HNF4G: variants seen among roughly 807,000 people sequenced by gnomAD.
The protein encoded by HNF4G is hepatocyte nuclear factor 4 gamma.
Under a neutral mutation model 50.9 loss-of-function variants are expected in HNF4G, and 21 were observed. That is an observed-to-expected ratio of 0.41 (90% confidence interval 0.29 to 0.59). HNF4G has a LOEUF of 0.59. Ranked by LOEUF, HNF4G falls within the 20% of genes least tolerant of loss-of-function variation. The pLI is 0.26. For missense variants in HNF4G, 527 were observed against 559.4 expected (o/e 0.94, Z 0.58); for synonymous variants, 198 against 185.6 (o/e 1.07, Z -0.54).
At chr8:75,453,479 G>A (rs1811635683) in intron 1 of HNF4G, among the ~76,000 whole-genome samples, 1 of 152,110 alleles carries the variant, frequency 6.6e-6, no homozygotes, top group Non-Finnish European at 1.5e-5. Context: ...GGACAAATAA[G>A]GGAATAAAAG....
upstream of HNF4G, among the ~76,000 whole-genome samples, chr8:75,538,732 G>A (rs759169708): frequency 3.3e-5 from 5 of 152,096 alleles, no homozygotes; most frequent in Non-Finnish European, 7.4e-5. Flanking sequence ...AGGGCAAGAG[G>A]ACTATTCCAA....
intron 3 of HNF4G, among the ~76,000 whole-genome samples, chr8:75,548,120 G>A (rs1292080816): frequency 6.6e-6 from 1 of 151,800 alleles, no homozygotes; most frequent in East Asian, 1.9e-4. Flanking sequence ...CAGTAGCTGG[G>A]ACTACAGGTG....
At chr8:75,500,518 A>T (rs764091680) in intron 2 of HNF4G, among the ~76,000 whole-genome samples, 48 of 152,170 alleles carry the variant, frequency 3.2e-4, no homozygotes, top group Admixed American at 5.9e-4. Flanking sequence ...TCTCTAGAAC[A>T]TGTACCCAAG....
chr8:75,525,474 G>C (rs997928260), intron 2 of HNF4G, among the ~76,000 whole-genome samples: 1 of 152,014 alleles, frequency 6.6e-6, no homozygotes, highest in Non-Finnish European at 1.5e-5. Flanking sequence ...GGCCTCCATT[G>C]GTTTTTCTAA....
intron 2 of HNF4G, among the ~76,000 whole-genome samples, chr8:75,521,845 C>T (rs902358534): frequency 1.3e-5 from 2 of 152,306 alleles, no homozygotes; most frequent in African/African-American, 2.4e-5. Flanking sequence ...AGTCACTCCA[C>T]ATCTTACACT....
chr8:75,410,596 C>G (rs1027153480), intron 1 of HNF4G, among the ~76,000 whole-genome samples: 4 of 152,108 alleles, frequency 2.6e-5, no homozygotes, highest in African/African-American at 9.7e-5. Flanking sequence ...AGATTGCAAA[C>G]ATGTGGACCA....
intron 1 of HNF4G, among the ~76,000 whole-genome samples, chr8:75,448,400 G>C (rs1335941246): frequency 1.6e-5 from 2 of 128,074 alleles, no homozygotes; most frequent in African/African-American, 6.1e-5. Context: ...TGCACAATGT[G>C]CACATGTACC....
chr8:75,411,835 C>T (rs1810511954), intron 1 of HNF4G, among the ~76,000 whole-genome samples: 1 of 152,086 alleles, frequency 6.6e-6, no homozygotes, highest in African/African-American at 2.4e-5. Flanking sequence ...GGTCCAATTT[C>T]CTCATTTTTG....
chr8:75,554,521 C>T (rs2130806638), intron 5 of HNF4G, among the ~76,000 whole-genome samples: 1 of 152,202 alleles, frequency 6.6e-6, no homozygotes, highest in Admixed American at 6.5e-5. Context: ...ATTTAATTCT[C>T]TCAGGAGCTC....
chr8:75,513,491 T>A (rs568006492), intron 2 of HNF4G, among the ~76,000 whole-genome samples: 2 of 152,330 alleles, frequency 1.3e-5, no homozygotes, highest in South Asian at 4.1e-4. Flanking sequence ...ATTCACAGAT[T>A]ATTTTTGAGT....
chr8:75,547,574 C>T lies in HNF4G; in HGVS notation c.288-13C>T. 6.4e-7 allele frequency: 1 copy of T among 1,553,282 alleles called. No homozygotes were observed. Among genetic ancestry groups the T allele is most frequent in the Non-Finnish European group, 8.9e-7 (1 of 1,126,198 alleles). On this transcript the variant is annotated splice_polypyrimidine_tract_variant and intron_variant, in intron 2 of 9. Coordinates refer to ENST00000396423, the MANE Select transcript of HNF4G (RefSeq NM_004133.5). Reference sequence around the variant, plus strand: ...TATAGTTTTCTGCAAACTGATATATCTTTATGTTATAGGTTCAGTCGGCAA... The same window carrying T: ...TATAGTTTTCTGCAAACTGATATATTTTTATGTTATAGGTTCAGTCGGCAA...
At chr8:75,457,144 T>G (rs1811742892) in intron 1 of HNF4G, among the ~76,000 whole-genome samples, 1 of 152,248 alleles carries the variant, frequency 6.6e-6, no homozygotes, top group African/African-American at 2.4e-5. Flanking sequence ...ACCAAGCATC[T>G]GAAGCATTCA....
At chr8:75,417,932 CTTAG>C (rs767360116) in intron 1 of HNF4G, among the ~76,000 whole-genome samples, 12 of 151,134 alleles carry the variant, frequency 7.9e-5, no homozygotes, top group Non-Finnish European at 1.2e-4. Flanking sequence ...ATTTTGAATA[CTTAG>C]TTAATTATAA....
chr8:75,473,863 A>T (rs1471290674), intron 1 of HNF4G, among the ~76,000 whole-genome samples: 2 of 151,260 alleles, frequency 1.3e-5, no homozygotes, highest in African/African-American at 4.9e-5. Flanking sequence ...ATGAGGTTAA[A>T]AAAAAAAAGT....
intron 2 of HNF4G, among the ~76,000 whole-genome samples, chr8:75,519,605 C>T (rs1805985892): frequency 6.6e-6 from 1 of 152,162 alleles, no homozygotes; most frequent in Admixed American, 6.5e-5. Context: ...TACTTATTCA[C>T]TATCATGAGA....
intron 1 of HNF4G, among the ~76,000 whole-genome samples, chr8:75,478,652 C>T (rs1321681922): frequency 6.6e-6 from 1 of 152,158 alleles, no homozygotes; most frequent in Non-Finnish European, 1.5e-5. Context: ...CTTGCTCAAG[C>T]TAGTGTACCT....
chr8:75,554,295 A>G (rs1197712002), intron 5 of HNF4G, among the ~76,000 whole-genome samples: 2 of 152,186 alleles, frequency 1.3e-5, no homozygotes, highest in Non-Finnish European at 2.9e-5. Context: ...TATTTTTATT[A>G]TCATTCTTCT....
chr8:75,537,223 A>C (rs925261132), upstream of HNF4G, among the ~76,000 whole-genome samples: 3 of 123,906 alleles, frequency 2.4e-5, no homozygotes, highest in African/African-American at 1.1e-4. Flanking sequence ...CATGAGCATT[A>C]AAAGGCTTTT....
At chr8:75,488,862 G>A (rs1043461776) in intron 1 of HNF4G, among the ~76,000 whole-genome samples, 1 of 152,036 alleles carries the variant, frequency 6.6e-6, no homozygotes, top group African/African-American at 2.4e-5. Flanking sequence ...TCCTCGGTTT[G>A]GTCAGAAAAG....
Sources: gnomAD v4.1 joint callset for allele counts (sites outside exome capture counted in the v4.1 genomes callset) on GRCh38, gnomAD v4.1.1 for gene constraint, MANE v1.5 for transcripts, NCBI Gene and HGNC (gene_info 2026-07-23, HGNC 2026-07-21) for gene names.